The following SMG6 variants were observed in gnomAD, a reference collection of about 807,000 sequenced individuals.
The protein encoded by SMG6 is telomerase-binding protein EST1A.
SMG6 carries 66 observed loss-of-function variants against 142.2 expected under a neutral mutation model. The observed-to-expected ratio is 0.46, with a 90% CI of 0.38 to 0.57. SMG6 has a LOEUF of 0.57. Among genes scored for constraint, SMG6 ranks in the 20% least tolerant of loss-of-function variants. SMG6 has a pLI of 0.00. For synonymous variants in SMG6, 779 were observed against 702.4 expected (o/e 1.11, Z -1.72); for missense variants, 1,793 against 1,832.0 (o/e 0.98, Z 0.39).
At chr17:2,206,733 C>T (rs1215771455) in intron 10 of SMG6, among the ~76,000 whole-genome samples, 3 of 151,762 alleles carry the variant, frequency 2.0e-5, no homozygotes, top group Admixed American at 6.6e-5. Context: ...ACTACAAGTA[C>T]AAAAATTAGC....
chr17:2,271,360 G>C (rs2074539225), intron 8 of SMG6, among the ~76,000 whole-genome samples: 1 of 151,432 alleles, frequency 6.6e-6, no homozygotes, highest in Non-Finnish European at 1.5e-5. Flanking sequence ...CAAAGTGCTG[G>C]GATTACAGGT....
At chr17:2,164,736 A>G (rs747161154) in intron 13 of SMG6, among the ~76,000 whole-genome samples, 4 of 152,144 alleles carry the variant, frequency 2.6e-5, no homozygotes, top group Non-Finnish European at 5.9e-5. Flanking sequence ...CAGGCGTTTG[A>G]GACCAGCCTG....
intron 13 of SMG6, among the ~76,000 whole-genome samples, chr17:2,129,708 C>T (rs2070037062): frequency 1.4e-5 from 2 of 140,052 alleles, no homozygotes; most frequent in South Asian, 2.3e-4. Context: ...ACAGGAGAAT[C>T]GCTTGAACCC....
At chr17:2,073,172 C>T (rs1177094920) in intron 15 of SMG6, among the ~76,000 whole-genome samples, 1 of 151,964 alleles carries the variant, frequency 6.6e-6, no homozygotes, top group African/African-American at 2.4e-5. Context: ...CAATCTCTGC[C>T]TCTCAGATTC....
At chr17:2,088,008 T>C in intron 13 of SMG6, 1 of 985,770 alleles carries the variant, frequency 1.0e-6, no homozygotes, top group Non-Finnish European at 1.2e-6. Context: ...GTGAGGCTGC[T>C]GCCACTGAAT....
At chr17:2,199,953 ACT>A (rs2151719857) in intron 10 of SMG6, 1 of 150,846 alleles carries the variant, frequency 6.6e-6, no homozygotes, top group African/African-American at 2.4e-5. Context: ...ATGGAGTCTC[ACT>A]CTGTCACCCA....
At chr17:2,107,770 A>G (rs760358295) in intron 13 of SMG6, among the ~76,000 whole-genome samples, 6 of 152,224 alleles carry the variant, frequency 3.9e-5, no homozygotes, top group Admixed American at 6.5e-5. Context: ...GAGAGAAGGC[A>G]GGTGGCATGT....
intron 13 of SMG6, among the ~76,000 whole-genome samples, chr17:2,103,037 T>C (rs1047671903): frequency 1.3e-5 from 2 of 152,248 alleles, no homozygotes; most frequent in Non-Finnish European, 1.5e-5. Context: ...CATTCATCTG[T>C]TGATGGACAC....
chr17:2,103,529 A>T (rs2069069663), intron 13 of SMG6, among the ~76,000 whole-genome samples: 1 of 152,170 alleles, frequency 6.6e-6, no homozygotes, highest in Non-Finnish European at 1.5e-5. Context: ...TTGCTGTCCA[A>T]ACTAAGTTTT....
chr17:2,285,978 C>A (rs549026704), intron 6 of SMG6, among the ~76,000 whole-genome samples: 3 of 151,652 alleles, frequency 2.0e-5, no homozygotes, highest in Non-Finnish European at 4.4e-5. Flanking sequence ...CTGGCCAAGA[C>A]CCTGTCTAAA....
At chr17:2,140,330 T>C (rs554579924) in intron 13 of SMG6, among the ~76,000 whole-genome samples, 108 of 152,380 alleles carry the variant, frequency 7.1e-4, no homozygotes, top group Non-Finnish European at 1.2e-3. Flanking sequence ...GTGCTGGGGT[T>C]ACAGGCGTAA....
chr17:2,266,192 C>G (rs2074419951), intron 8 of SMG6: 1 of 985,390 alleles, frequency 1.0e-6, no homozygotes, highest in Non-Finnish European at 1.2e-6. Flanking sequence ...TGACGGGTAT[C>G]TGGGTCCTGA....
intron 13 of SMG6, among the ~76,000 whole-genome samples, chr17:2,117,134 G>T (rs553379220): frequency 6.8e-6 from 1 of 147,548 alleles, no homozygotes; most frequent in African/African-American, 2.5e-5. Context: ...TCTCTCTGTC[G>T]CCCAGTGTGT....
intron 7 of SMG6, 69 bp from the exon 8 acceptor site, chr17:2,282,928 A>G: frequency 1.3e-6 from 2 of 1,483,654 alleles, no homozygotes; most frequent in Non-Finnish European, 1.9e-6. Context: ...CCCAGCACTT[A>G]GAGATGCGGA....
At chr17:2,118,683 C>G (rs75404804) in intron 13 of SMG6, among the ~76,000 whole-genome samples, 1 of 148,910 alleles carries the variant, frequency 6.7e-6, no homozygotes, top group Admixed American at 6.7e-5. Context: ...GCAAACATGG[C>G]ACACTGCAGC....
chr17:2,277,388 G>A lies in SMG6; in HGVS notation c.2661+5259C>T, dbSNP rs9892925. ...TCACCGTGTTAGCCAGGATGGTCTCGATCTCCTGACCTCGTGATCCGCCCG... is the reference window on the plus strand; with the variant it reads ...TCACCGTGTTAGCCAGGATGGTCTCAATCTCCTGACCTCGTGATCCGCCCG... On this transcript the variant is annotated intron_variant, in intron 8 of 18. Transcript: ENST00000263073. 3.8e-3 allele frequency among the ~76,000 whole-genome samples: 574 copies of A among 151,732 alleles called. 2 individuals carry two copies. Among genetic ancestry groups the A allele is most frequent in the African/African-American group, 0.013 (522 of 41,362 alleles).
At chr17:2,080,311 T>C (rs769333774) in intron 15 of SMG6, among the ~76,000 whole-genome samples, 5 of 148,242 alleles carry the variant, frequency 3.4e-5, no homozygotes, top group Non-Finnish European at 7.5e-5. Flanking sequence ...CCAGCTACTC[T>C]GGAGGCTGAG....
chr17:2,300,225 T>C lies in SMG6; in HGVS notation c.528A>G (p.Arg176=). The C allele has an allele frequency of 6.2e-7, 1 of 1,614,150 alleles. No homozygotes were observed. The highest frequency in any genetic ancestry group is 1.3e-5 in the African/African-American group (1 of 75,058). Residue 176 remains arginine (R), a synonymous_variant, in exon 2 of 19, where the codon AGA becomes AGG. Coordinates refer to ENST00000263073, the MANE Select transcript of SMG6 (RefSeq NM_017575.5). The part of the protein sequence containing the change: ...EEVLNQVEQL[R]VEEDECRGNV... ...TTCCCCTACACTCATCTTCCTCTAC[T>C]CTCAGTTGTTCTACCTGGTTGAGGA... is the stretch of plus-strand genomic sequence containing the variant.
In SMG6 at chr17:2,210,097, T is replaced by A. The variant is rs563582212; in HGVS notation, c.2870-21582A>T. ...CCCCTTTGACCCAATTTGGGAGTAC[T>A]TGGAAAGGTTAGCCTAGGTCCAGAG... On this transcript the variant is annotated intron_variant, in intron 10 of 18. Coordinates refer to ENST00000263073, the MANE Select transcript of SMG6 (RefSeq NM_017575.5). 8.5e-5 allele frequency among the ~76,000 whole-genome samples: 13 copies of A among 152,204 alleles called. No individual in the cohort carries two copies. In the South Asian group the frequency reaches 2.7e-3, roughly 32 times the overall value.
Sources: allele counts gnomAD v4.1 joint callset (sites outside exome capture counted in the v4.1 genomes callset), GRCh38; gene constraint gnomAD v4.1.1; transcripts MANE v1.5; gene names NCBI Gene and HGNC (gene_info 2026-07-23, HGNC 2026-07-21).